IRAG1: variants seen among roughly 807,000 people sequenced by gnomAD.
IRAG1 encodes IP3R-associated cGMP kinase substrate.
Under a neutral mutation model 106.2 loss-of-function variants are expected in IRAG1, and 62 were observed. That is an observed-to-expected ratio of 0.58 (90% CI 0.48 to 0.72). IRAG1 has a LOEUF of 0.72. Ranked by LOEUF, IRAG1 falls within the 30% of genes least tolerant of loss-of-function variation. IRAG1 has a pLI of 0.00. For synonymous variants in IRAG1, 462 were observed against 443.9 expected (o/e 1.04, Z -0.51); for missense variants, 1,064 against 1,140.7 (o/e 0.93, Z 0.97).
At chr11:10,578,856 T>C (rs370028845) in intron 20 of IRAG1, among the ~76,000 whole-genome samples, 5 of 139,490 alleles carry the variant, frequency 3.6e-5, no homozygotes, top group South Asian at 4.5e-4. Context: ...CTCTCTCTGT[T>C]TATTTCTCTT....
At chr11:10,633,565 T>C (rs973637336) in intron 3 of IRAG1, among the ~76,000 whole-genome samples, 6 of 152,290 alleles carry the variant, frequency 3.9e-5, no homozygotes, top group East Asian at 3.9e-4. Context: ...GCACCTTTCA[T>C]GTTTGGCTGC....
chr11:10,613,074 C>A (rs1043436221), intron 10 of IRAG1, among the ~76,000 whole-genome samples: 1 of 151,906 alleles, frequency 6.6e-6, no homozygotes, highest in African/African-American at 2.4e-5. Context: ...AATAATGGAC[C>A]TGGAGTTGAG....
chr11:10,580,467 C>T lies in IRAG1; in HGVS notation c.2483G>A (p.Gly828Asp), dbSNP rs753488358. ...EVEETEEEEK[G>D]PRSSKLEELV... ...ACAGGCTTCCCACCTGCTTCTTGGG[C>T]CCTTTTCCTCTTCCTCAGTTTCTTC... Residue 828 changes from glycine (G) to aspartate (D), a missense_variant, in exon 20 of 21, where the codon GGC (glycine) becomes GAC (aspartate). By Grantham distance (94) the Gly-to-Asp change is moderately conservative (BLOSUM62 -1). Transcript: ENST00000423302. The T allele has an allele frequency of 8.1e-6, 13 of 1,612,696 alleles. No homozygotes were observed. The highest frequency in any genetic ancestry group is 1.6e-4 in the Middle Eastern group (1 of 6,074).
chr11:10,678,997 T>C lies in IRAG1; in HGVS notation c.67+14539A>G, dbSNP rs566178222. 5.3e-5 allele frequency among the ~76,000 whole-genome samples: 8 copies of C among 152,254 alleles called. No homozygotes were observed. The East Asian group carries it at 1.5e-3, about 29-fold the overall frequency. On this transcript the variant is annotated intron_variant, in intron 1 of 20. Coordinates refer to ENST00000423302, the MANE Select transcript of IRAG1 (RefSeq NM_130385.4). ...GTCAACCCAAGAGCTTCCCCTTCCC[T>C]TTCTCAGGAAGAAACTATCCCTTGG... is the stretch of plus-strand genomic sequence containing the variant.
At chr11:10,673,156 G>A (rs926724050) in intron 1 of IRAG1, among the ~76,000 whole-genome samples, 6 of 152,052 alleles carry the variant, frequency 3.9e-5, no homozygotes, top group Admixed American at 6.6e-5. Context: ...GGTGCCGTGC[G>A]CCTGTAATTC....
intron 15 of IRAG1, 27 bp downstream of exon 15, chr11:10,600,891 A>AGAT (rs1256099371): frequency 6.2e-7 from 1 of 1,613,408 alleles, no homozygotes. Context: ...TGTAGGGCCA[A>AGAT]GATGGGGCAG....
At chr11:10,622,360 G>A (rs989267481) in intron 10 of IRAG1, among the ~76,000 whole-genome samples, 4 of 152,146 alleles carry the variant, frequency 2.6e-5, no homozygotes, top group Non-Finnish European at 5.9e-5. Flanking sequence ...CTGGGAAGAG[G>A]GAAGAGCCAG....
At chr11:10,615,129 AC>A (rs1855293588) in intron 10 of IRAG1, among the ~76,000 whole-genome samples, 1 of 152,258 alleles carries the variant, frequency 6.6e-6, no homozygotes, top group Non-Finnish European at 1.5e-5. Flanking sequence ...AAGGATATGA[AC>A]AGACACTTCT....
intron 1 of IRAG1, among the ~76,000 whole-genome samples, chr11:10,676,780 T>G (rs946438899): frequency 3.3e-5 from 5 of 152,192 alleles, no homozygotes; most frequent in African/African-American, 1.2e-4. Context: ...TTCTGCTAAT[T>G]TGCTAATCTA....
chr11:10,580,658 G>A (rs1355391112), intron 19 of IRAG1, 69 bp from the exon 20 acceptor site: 3 of 1,561,210 alleles, frequency 1.9e-6, no homozygotes, highest in African/African-American at 1.4e-5. Context: ...TGAGTTCCTA[G>A]GGGAGGGGAC....
chr11:10,631,978 C>A lies in IRAG1; in HGVS notation c.400+13G>T. The A allele has an allele frequency of 6.2e-7, 1 of 1,612,346 alleles. No individual in the cohort carries two copies. Among genetic ancestry groups the A allele is most frequent in the South Asian group, 1.1e-5 (1 of 91,024 alleles). On this transcript the variant is annotated intron_variant, in intron 4 of 20. Transcript: ENST00000423302. ...TTTCTACTCAACATGCCTTAGATTG[C>A]CCTGGTCCTTACCCACAGATGTCAG...
At chr11:10,580,412 C>T in intron 20 of IRAG1, 43 bp downstream of exon 20, 1 of 1,593,282 alleles carries the variant, frequency 6.3e-7, no homozygotes, top group Non-Finnish European at 8.5e-7. Flanking sequence ...AATTGTAACC[C>T]CCATTTCAGC....
intron 2 of IRAG1, among the ~76,000 whole-genome samples, chr11:10,641,334 C>G (rs1035393637): frequency 6.6e-6 from 1 of 152,204 alleles, no homozygotes; most frequent in Non-Finnish European, 1.5e-5. Context: ...GATGGTTGCT[C>G]TTAGTTCTGG....
intron 20 of IRAG1, among the ~76,000 whole-genome samples, chr11:10,577,815 C>T (rs1007521968): frequency 6.6e-6 from 1 of 152,148 alleles, no homozygotes; most frequent in African/African-American, 2.4e-5. Context: ...CCGTTCCATG[C>T]GGGAACCCCA....
chr11:10,603,759 C>T lies in IRAG1; in HGVS notation c.1744-508G>A, dbSNP rs1056724866. Reference sequence around the variant, plus strand: ...ATTAGGTGAGGAGAGTGGAGCCCCACGAATGGAATTAGTGCTCTTATAAAA... The same window carrying T: ...ATTAGGTGAGGAGAGTGGAGCCCCATGAATGGAATTAGTGCTCTTATAAAA... On this transcript the variant is annotated intron_variant, in intron 13 of 20. Transcript: ENST00000423302. 8.6e-5 allele frequency among the ~76,000 whole-genome samples: 13 copies of T among 151,808 alleles called. No individual in the cohort carries two copies. In the East Asian group the frequency reaches 1.4e-3, roughly 16 times the overall value.
At chr11:10,591,650 C>A in intron 17 of IRAG1, 38 bp from the exon 18 acceptor site, 1 of 1,542,692 alleles carries the variant, frequency 6.5e-7, no homozygotes, top group Non-Finnish European at 8.8e-7. Context: ...TGAGGATGCG[C>A]TATGGAAGGA....
intron 15 of IRAG1, chr11:10,600,008 C>T (rs1313628267): frequency 1.3e-5 from 2 of 152,280 alleles, no homozygotes; most frequent in African/African-American, 4.8e-5. Flanking sequence ...CCAAGTCTCA[C>T]TTCCACACCC....
chr11:10,580,712 A>G, intron 19 of IRAG1, 123 bp from the exon 20 acceptor site: 1 of 1,195,390 alleles, frequency 8.4e-7, no homozygotes, highest in African/African-American at 1.5e-5. Flanking sequence ...ATGGTTCCAC[A>G]AAACAGGAAA....
chr11:10,603,911 C>T (rs887151698), intron 13 of IRAG1, among the ~76,000 whole-genome samples: 12 of 152,198 alleles, frequency 7.9e-5, no homozygotes, highest in African/African-American at 2.9e-4. Flanking sequence ...GCCTTCCAGC[C>T]TCCAGAACTA....
Sources: gnomAD v4.1 joint callset for allele counts (sites outside exome capture counted in the v4.1 genomes callset) on GRCh38, gnomAD v4.1.1 for gene constraint, MANE v1.5 for transcripts, NCBI Gene and HGNC (gene_info 2026-07-23, HGNC 2026-07-21) for gene names.